BNIP2: variants seen among roughly 807,000 people sequenced by gnomAD.
BNIP2 encodes BCL2 interacting protein 2, also known as BCL2/adenovirus E1B 19 kDa protein-interacting protein 2.
Under a neutral mutation model 43.4 loss-of-function variants are expected in BNIP2, and 36 were observed. The observed-to-expected ratio is 0.83, with a 90% CI of 0.64 to 1.10. BNIP2 has a LOEUF of 1.10. Ranked by LOEUF, BNIP2 falls within the 50% of genes least tolerant of loss-of-function variation. The pLI is 0.00. For missense variants in BNIP2, 417 were observed against 374.1 expected (o/e 1.11, Z -0.95); for synonymous variants, 146 against 121.0 (o/e 1.21, Z -1.35).
At chr15:59,680,359 T>TC in intron 2 of BNIP2, 51 bp from the exon 3 acceptor site, 2 of 1,422,048 alleles carry the variant, frequency 1.4e-6, no homozygotes, top group Non-Finnish European at 1.9e-6. Context: ...AAGAATTTTT[T>TC]TTTGAAGTTC....
intron 1 of BNIP2, among the ~76,000 whole-genome samples, chr15:59,684,766 C>A (rs722163): frequency 0.33 from 50,156 of 152,116 alleles, 8,618 homozygotes; most frequent in East Asian, 0.54. Flanking sequence ...TGTTGAAAAA[C>A]ACACCAGGAT....
At position 59,668,963 on chromosome 15, in the gene BNIP2, G is replaced by A. The variant is rs140061917; in HGVS notation, c.822C>T (p.Tyr274=). ...CTGCTAGTTCTGCCAAATTAAACAC[G>A]TATCTAATTTTTTGGCTGAATTTCG... The part of the protein sequence containing the change: ...ISSKFSQKIR[Y]VFNLAELAEL... The change falls in exon 9 of 10, where the codon TAC becomes TAT. Residue 274 remains tyrosine, a synonymous_variant. Transcript: ENST00000607373. 162 of 1,613,300 alleles carry A rather than the reference G, an allele frequency of 1.0e-4. No individual in the cohort carries two copies. Among genetic ancestry groups the A allele is most frequent in the Admixed American group, 5.7e-4 (34 of 59,966 alleles).
chr15:59,687,280 C>T (rs1413929140), intron 1 of BNIP2, among the ~76,000 whole-genome samples: 4 of 151,650 alleles, frequency 2.6e-5, no homozygotes, highest in African/African-American at 7.3e-5. Context: ...TTACTATCAC[C>T]ACATTATACT....
At chr15:59,687,081 T>C (rs1894067028) in intron 1 of BNIP2, among the ~76,000 whole-genome samples, 1 of 152,162 alleles carries the variant, frequency 6.6e-6, no homozygotes, top group Admixed American at 6.5e-5. Flanking sequence ...AGAATGGTGC[T>C]GAGTTCTCTC....
At chr15:59,688,995 G>A in intron 1 of BNIP2, 140 bp downstream of exon 1, 1 of 1,443,228 alleles carries the variant, frequency 6.9e-7, no homozygotes, top group Non-Finnish European at 9.0e-7. Context: ...CAGGTTCTAT[G>A]GCTCCCCCTA....
intron 2 of BNIP2, among the ~76,000 whole-genome samples, chr15:59,681,446 C>A (rs1310846768): frequency 7.0e-6 from 1 of 143,072 alleles, no homozygotes; most frequent in Non-Finnish European, 1.5e-5. Context: ...GGGGAACCCA[C>A]AAATTTTTTT....
chr15:59,669,354 T>C lies in BNIP2; in HGVS notation c.716A>G (p.Lys239Arg). 1 of 1,520,866 alleles carries C rather than the reference T, an allele frequency of 6.6e-7. No homozygotes were observed. The highest frequency in any genetic ancestry group is 8.8e-7 in the Non-Finnish European group (1 of 1,138,846). 94.2% of individuals were successfully genotyped at this position (1,520,866 alleles called of 1,614,324 possible). A position where few individuals can be genotyped will look rare whatever the true frequency, so the allele number is the denominator to read the frequency against. The change falls in exon 8 of 10, where the codon AAA becomes AGA. Residue 239 changes from lysine to arginine, a missense_variant. Transcript: ENST00000607373. ...TACAATGATTAGGGATTTTAGATTT[T>C]TCCGTAACCTGGAGTTTAAAAAAAA... Reference protein sequence around the residue: ...CYQQIDRRLRKNLKSLIIVHP... With the variant: ...CYQQIDRRLRRNLKSLIIVHP...
chr15:59,677,617 G>T (rs1426844377), intron 5 of BNIP2, among the ~76,000 whole-genome samples: 1 of 152,146 alleles, frequency 6.6e-6, no homozygotes. Context: ...AAATTGCTAA[G>T]CATGTTCAGG....
At chr15:59,677,372 A>G in intron 5 of BNIP2, 2 of 1,541,550 alleles carry the variant, frequency 1.3e-6, no homozygotes, top group Non-Finnish European at 1.8e-6. Flanking sequence ...ATGACTCTTA[A>G]GCCATAAGGG....
intron 5 of BNIP2, 66 bp downstream of exon 5, chr15:59,677,844 TC>T (rs1478134952): frequency 1.3e-6 from 2 of 1,519,690 alleles, no homozygotes; most frequent in African/African-American, 2.8e-5. Flanking sequence ...TAAACAGATA[TC>T]CTTCCAAAAA....
Position 59,689,245 on chromosome 15 carries a change from C to T in BNIP2, c.-168G>A, listed in dbSNP as rs1184742898. The T allele has an allele frequency of 9.1e-6, 14 of 1,542,928 alleles. No homozygotes were observed. The Admixed American group carries it at 9.8e-5, about 11-fold the overall frequency. On this transcript the variant is annotated 5_prime_UTR_variant, in exon 1 of 10. Transcript: ENST00000607373. Reference sequence around the variant, plus strand: ...CCGAGCGGAGCCCGCTCCCCTCGGTCGGCGGTGGAGACCCCGGCCCAATCC... The same window carrying T: ...CCGAGCGGAGCCCGCTCCCCTCGGTTGGCGGTGGAGACCCCGGCCCAATCC...
Position 59,668,928 on chromosome 15 carries a change from G to C in BNIP2, c.857C>G (p.Pro286Arg). The change falls in exon 9 of 10, where the codon CCC becomes CGC. Residue 286 changes from proline (P) to arginine (R), a missense_variant. Physicochemically the swap from Pro to Arg is moderately radical, Grantham distance 103. Coordinates refer to ENST00000607373, the MANE Select transcript of BNIP2 (RefSeq NM_004330.4). Reference sequence around the variant, plus strand: ...TTCTGGTATGCCAACGTATTCCATGGGGACAAGTTCTGCTAGTTCTGCCAA... The same window carrying C: ...TTCTGGTATGCCAACGTATTCCATGCGGACAAGTTCTGCTAGTTCTGCCAA... ...FNLAELAELVPMEYVGIPECI... is the reference protein window; with the variant it reads ...FNLAELAELVRMEYVGIPECI... 6.2e-7 allele frequency: 1 copy of C among 1,613,680 alleles called. No individual in the cohort carries two copies. The highest frequency in any genetic ancestry group is 8.5e-7 in the Non-Finnish European group (1 of 1,179,750).
intron 1 of BNIP2, chr15:59,688,760 C>T (rs1431890227): frequency 6.5e-7 from 1 of 1,535,642 alleles, no homozygotes; most frequent in East Asian, 2.4e-5. Flanking sequence ...TGTTCTGTAC[C>T]AGGACGGACG....
rs565241314 is a variant in BNIP2 at position 59,659,496 on chromosome 15, G to A, written c.*4573C>T. 3.3e-5 allele frequency: 5 copies of A among 152,340 alleles called. No homozygotes were observed. In the South Asian group the frequency reaches 1.0e-3, roughly 32 times the overall value. 9.4% of individuals were successfully genotyped at this position (152,340 alleles called of 1,614,324 possible). On this transcript the variant is annotated 3_prime_UTR_variant, in exon 10 of 10. Coordinates refer to ENST00000607373, the MANE Select transcript of BNIP2 (RefSeq NM_004330.4). The stretch of plus-strand genomic sequence containing the variant: ...CTTAACAAACTCTGAATTGTGTTCT[G>A]TGTGAATAGTGCTCCAAGGGCTGTG...
chr15:59,679,797 CG>C (rs768487213), intron 3 of BNIP2, 29 bp from the exon 4 acceptor site: 1 of 1,439,536 alleles, frequency 6.9e-7, no homozygotes, highest in East Asian at 2.6e-5. Context: ...GAAAAAGATA[CG>C]TAACAAGGAA....
intron 2 of BNIP2, 144 bp downstream of exon 2, chr15:59,682,264 T>G (rs1893730285): frequency 3.4e-6 from 2 of 583,948 alleles, no homozygotes; most frequent in African/African-American, 3.8e-5. Context: ...GAGGCGGAGG[T>G]TGCAGTGAGC....
chr15:59,666,393 G>A (rs1207765592), intron 9 of BNIP2, among the ~76,000 whole-genome samples: 1 of 152,180 alleles, frequency 6.6e-6, no homozygotes, highest in Non-Finnish European at 1.5e-5. Context: ...TAGGCTGGGC[G>A]TGGTAGCTGA....
chr15:59,678,971 G>A, intron 4 of BNIP2: 1 of 695,808 alleles, frequency 1.4e-6, no homozygotes, highest in Non-Finnish European at 2.0e-6. Context: ...CAAAAATATA[G>A]CATATCACAC....
chr15:59,676,825 C>T (rs1217947392), intron 5 of BNIP2: 5 of 1,545,990 alleles, frequency 3.2e-6, no homozygotes, highest in South Asian at 2.4e-5. Context: ...GCTACTACTT[C>T]CCTTCCTGCC....
Sources: gnomAD v4.1 joint callset for allele counts (sites outside exome capture counted in the v4.1 genomes callset) on GRCh38, gnomAD v4.1.1 for gene constraint, MANE v1.5 for transcripts, NCBI Gene and HGNC (gene_info 2026-07-23, HGNC 2026-07-21) for gene names.